Variants in CCDC91 observed in about 807,000 individuals in gnomAD.
CCDC91 encodes the protein coiled-coil domain-containing protein 91.
CCDC91 carries 48 observed loss-of-function variants against 63.2 expected under a neutral mutation model. The ratio of observed to expected loss-of-function variants is 0.76; its 90% confidence interval spans 0.60 to 0.97. The LOEUF (loss-of-function observed/expected upper bound fraction) is 0.97, where lower values mean the gene tolerates loss of function less well. Among genes scored for constraint, CCDC91 ranks in the 50% least tolerant of loss-of-function variants. CCDC91 has a pLI of 0.00. For synonymous variants in CCDC91, 167 were observed against 165.8 expected, an observed-to-expected ratio of 1.01 and a Z score of -0.06; for missense variants, 500 against 494.6, an observed-to-expected ratio of 1.01 and a Z score of -0.10.
intron 6 of CCDC91, among the ~76,000 whole-genome samples, chr12:28,312,102 A>G (rs1939388135): frequency 6.6e-6 from 1 of 151,966 alleles, no homozygotes; most frequent in African/African-American, 2.4e-5. Flanking sequence ...ATAGAAAGCA[A>G]CCTTTTAAAT....
intron 12 of CCDC91, among the ~76,000 whole-genome samples, chr12:28,503,805 A>T (rs909997267): frequency 2.6e-5 from 4 of 152,130 alleles, no homozygotes; most frequent in Non-Finnish European, 5.9e-5. Flanking sequence ...TGAAATTGGA[A>T]ATCATCATTC....
chr12:28,191,630 T>TCC (rs60041419), intron 1 of CCDC91, among the ~76,000 whole-genome samples: 1 of 150,758 alleles, frequency 6.6e-6, no homozygotes, highest in Non-Finnish European at 1.5e-5. Context: ...AGGCAACCCT[T>TCC]CCCCCCCCCA....
chr12:28,457,990 A>G (rs2140417301), intron 11 of CCDC91, among the ~76,000 whole-genome samples: 1 of 152,292 alleles, frequency 6.6e-6, no homozygotes, highest in South Asian at 2.1e-4. Context: ...ATAATGGTTT[A>G]TAACCACAGC....
intron 8 of CCDC91, among the ~76,000 whole-genome samples, chr12:28,427,283 G>C (rs1280405062): frequency 5.3e-5 from 8 of 152,108 alleles, no homozygotes; most frequent in Non-Finnish European, 1.2e-4. Flanking sequence ...CCTGACCCTA[G>C]ATGAGATAAG....
chr12:28,343,005 C>T (rs1026883690), intron 6 of CCDC91, among the ~76,000 whole-genome samples: 5 of 151,918 alleles, frequency 3.3e-5, no homozygotes, highest in Admixed American at 1.3e-4. Flanking sequence ...GGAGTCTGGC[C>T]TATCAAACTT....
At chr12:28,534,871 ACC>A (rs1347001268) in intron 12 of CCDC91, among the ~76,000 whole-genome samples, 1 of 152,160 alleles carries the variant, frequency 6.6e-6, no homozygotes, top group African/African-American at 2.4e-5. Context: ...CATTTAACCA[ACC>A]CAGGCAAGGT....
At chr12:28,349,510 G>A (rs534679405) in intron 6 of CCDC91, among the ~76,000 whole-genome samples, 11 of 152,262 alleles carry the variant, frequency 7.2e-5, no homozygotes, top group African/African-American at 2.4e-4. Context: ...AGGGCCTCAT[G>A]CTTGGTTTAA....
At chr12:28,265,513 A>G (rs1947128007) in intron 3 of CCDC91, among the ~76,000 whole-genome samples, 1 of 152,078 alleles carries the variant, frequency 6.6e-6, no homozygotes, top group Non-Finnish European at 1.5e-5. Context: ...AGAAACCTGG[A>G]AGACAGATGC....
chr12:28,486,209 CTGT>C (rs1951716551), intron 12 of CCDC91, among the ~76,000 whole-genome samples: 1 of 152,134 alleles, frequency 6.6e-6, no homozygotes, highest in African/African-American at 2.4e-5. Flanking sequence ...TTTAGATACT[CTGT>C]ATAAGTGAAA....
intron 3 of CCDC91, among the ~76,000 whole-genome samples, chr12:28,272,103 C>G (rs942526478): frequency 6.6e-6 from 1 of 151,870 alleles, no homozygotes; most frequent in Admixed American, 6.6e-5. Flanking sequence ...TTAGTTGATT[C>G]CATTAGTTGT....
intron 1 of CCDC91, among the ~76,000 whole-genome samples, chr12:28,252,834 T>G (rs1000036983): frequency 6.6e-6 from 1 of 152,192 alleles, no homozygotes; most frequent in Non-Finnish European, 1.5e-5. Flanking sequence ...ATTGAGGCAC[T>G]AATAAAGTAG....
intron 8 of CCDC91, among the ~76,000 whole-genome samples, chr12:28,420,725 C>T (rs1291361832): frequency 6.6e-6 from 1 of 150,644 alleles, no homozygotes; most frequent in Non-Finnish European, 1.5e-5. Context: ...TTCCTGTTTT[C>T]ACTTAACAGT....
intron 6 of CCDC91, among the ~76,000 whole-genome samples, chr12:28,329,164 T>A (rs1382546728): frequency 1.3e-5 from 2 of 152,208 alleles, no homozygotes; most frequent in Admixed American, 6.6e-5. Flanking sequence ...TTGCCTGTTA[T>A]GCAAATAATG....
intron 7 of CCDC91, among the ~76,000 whole-genome samples, chr12:28,363,170 A>G (rs1222061462): frequency 6.6e-6 from 1 of 152,140 alleles, no homozygotes; most frequent in Non-Finnish European, 1.5e-5. Context: ...AGAAGTAACC[A>G]GTATTGGCAG....
intron 8 of CCDC91, among the ~76,000 whole-genome samples, chr12:28,430,054 T>C (rs1157105936): frequency 6.6e-6 from 1 of 152,014 alleles, no homozygotes; most frequent in Admixed American, 6.6e-5. Context: ...AGTACAGTAA[T>C]TTAGGGAAGA....
intron 8 of CCDC91, among the ~76,000 whole-genome samples, chr12:28,398,888 C>G (rs1200906838): frequency 6.6e-6 from 1 of 152,142 alleles, no homozygotes; most frequent in Non-Finnish European, 1.5e-5. Context: ...ATTCCAGATA[C>G]AAATCCTTTG....
chr12:28,335,823 G>A (rs1317696919), intron 6 of CCDC91, among the ~76,000 whole-genome samples: 2 of 151,336 alleles, frequency 1.3e-5, no homozygotes, highest in African/African-American at 4.9e-5. Flanking sequence ...TGTCTTTTTA[G>A]AGATTATATT....
intron 11 of CCDC91, among the ~76,000 whole-genome samples, chr12:28,463,275 T>A (rs1950396590): frequency 6.6e-6 from 1 of 152,184 alleles, no homozygotes; most frequent in Non-Finnish European, 1.5e-5. Context: ...AATCGAAATG[T>A]TTTTTGGGAC....
At chr12:28,410,985 G>T (rs10843162) in intron 8 of CCDC91, among the ~76,000 whole-genome samples, 32,977 of 151,634 alleles carry the variant, frequency 0.22, 4,326 homozygotes, top group Non-Finnish European at 0.3. Flanking sequence ...TATCATTTTA[G>T]GTCTCCTTTG....
Sources: gnomAD v4.1 joint callset for allele counts (sites outside exome capture counted in the v4.1 genomes callset) on GRCh38, gnomAD v4.1.1 for gene constraint, MANE v1.5 for transcripts, NCBI Gene and HGNC (gene_info 2026-07-23, HGNC 2026-07-21) for gene names.